PPP2R5E: variants seen among roughly 807,000 people sequenced by gnomAD.
The protein encoded by PPP2R5E is serine/threonine-protein phosphatase 2A 56 kDa regulatory subunit epsilon isoform.
A neutral mutation model predicts 65.3 loss-of-function variants in PPP2R5E; 4 were observed. The ratio of observed to expected loss-of-function variants is 0.06; its 90% CI spans 0.03 to 0.14. PPP2R5E has a LOEUF of 0.14. Ranked by LOEUF, PPP2R5E falls within the 10% of genes least tolerant of loss-of-function variation. PPP2R5E has a pLI of 1.00. For missense variants in PPP2R5E, 274 were observed against 556.1 expected, an observed-to-expected ratio of 0.49 and a Z score of 5.10; for synonymous variants, 183 against 187.4, an observed-to-expected ratio of 0.98 and a Z score of 0.19.
At chr14:63,402,178 T>A (rs966153921) in intron 5 of PPP2R5E, among the ~76,000 whole-genome samples, 1 of 152,216 alleles carries the variant, frequency 6.6e-6, no homozygotes, top group Non-Finnish European at 1.5e-5. Context: ...CAATTCTGTA[T>A]AAGTCAGAAG....
At chr14:63,383,952 A>C (rs1410081043) in intron 12 of PPP2R5E, among the ~76,000 whole-genome samples, 1 of 152,120 alleles carries the variant, frequency 6.6e-6, no homozygotes, top group East Asian at 1.9e-4. Flanking sequence ...CACGAGTCCC[A>C]CAGTCTTTTC....
intron 5 of PPP2R5E, among the ~76,000 whole-genome samples, chr14:63,405,757 T>C (rs1010794510): frequency 6.6e-6 from 1 of 152,120 alleles, no homozygotes; most frequent in African/African-American, 2.4e-5. Context: ...GAAACCATTT[T>C]CCCAACCATC....
chr14:63,509,480 G>T (rs1892364826), intron 2 of PPP2R5E, among the ~76,000 whole-genome samples: 1 of 151,868 alleles, frequency 6.6e-6, no homozygotes, highest in African/African-American at 2.4e-5. Context: ...TGCCATGTTG[G>T]CCAGGCTGGT....
intron 2 of PPP2R5E, among the ~76,000 whole-genome samples, chr14:63,528,503 T>C (rs1893275620): frequency 6.6e-6 from 1 of 152,208 alleles, no homozygotes; most frequent in Non-Finnish European, 1.5e-5. Context: ...CCATTCTCTC[T>C]ATATAATATA....
At chr14:63,532,636 G>T (rs1194241958) in intron 2 of PPP2R5E, among the ~76,000 whole-genome samples, 3 of 152,062 alleles carry the variant, frequency 2.0e-5, no homozygotes, top group Admixed American at 6.6e-5. Context: ...TACTGAATGT[G>T]GCACTGTCAC....
chr14:63,450,037 G>A (rs1413936358), intron 3 of PPP2R5E, among the ~76,000 whole-genome samples: 1 of 151,946 alleles, frequency 6.6e-6, no homozygotes, highest in African/African-American at 2.4e-5. Context: ...CACCATGCCA[G>A]GCTAATTTTT....
At chr14:63,481,377 T>A (rs1260086114) in intron 2 of PPP2R5E, among the ~76,000 whole-genome samples, 1 of 151,244 alleles carries the variant, frequency 6.6e-6, no homozygotes, top group Non-Finnish European at 1.5e-5. Flanking sequence ...GCACCTGTAA[T>A]CCCAGCTACT....
chr14:63,511,395 G>A (rs74056138), intron 2 of PPP2R5E, among the ~76,000 whole-genome samples: 20,490 of 152,174 alleles, frequency 0.13, 1,510 homozygotes, highest in African/African-American at 0.17. Flanking sequence ...CAACCGTCAT[G>A]TATGTGAGTG....
chr14:63,489,998 T>A (rs1891206432), intron 2 of PPP2R5E, among the ~76,000 whole-genome samples: 1 of 152,124 alleles, frequency 6.6e-6, no homozygotes, highest in South Asian at 2.1e-4. Context: ...TAAGCAACTA[T>A]AAACATATTT....
At chr14:63,483,480 G>C in intron 2 of PPP2R5E, among the ~76,000 whole-genome samples, 1 of 152,156 alleles carries the variant, frequency 6.6e-6, no homozygotes, top group Non-Finnish European at 1.5e-5. Flanking sequence ...CCAGCCAAGA[G>C]AATAAATAGC....
chr14:63,388,104 G>A (rs1265590992), intron 11 of PPP2R5E, among the ~76,000 whole-genome samples: 1 of 150,080 alleles, frequency 6.7e-6, no homozygotes, highest in Non-Finnish European at 1.5e-5. Context: ...GGCCTTTCTG[G>A]TGATGCTCTT....
intron 4 of PPP2R5E, among the ~76,000 whole-genome samples, chr14:63,421,052 C>CA (rs56297942): frequency 0.048 from 496 of 10,292 alleles, 200 homozygotes; most frequent in East Asian, 0.068. Flanking sequence ...GACTCCGTCT[C>CA]AAAAAAAAAA....
intron 3 of PPP2R5E, among the ~76,000 whole-genome samples, chr14:63,447,870 G>T (rs917122328): frequency 5.9e-5 from 9 of 152,214 alleles, no homozygotes; most frequent in Admixed American, 3.9e-4. Context: ...GTTGTGTCTC[G>T]GGGAATAGGG....
At chr14:63,468,745 T>C (rs1184202004) in intron 2 of PPP2R5E, among the ~76,000 whole-genome samples, 1 of 152,250 alleles carries the variant, frequency 6.6e-6, no homozygotes, top group South Asian at 2.1e-4. Flanking sequence ...AATTTTAAAT[T>C]AGTATCATAC....
At chr14:63,419,991 T>TA (rs1358688577) in intron 4 of PPP2R5E, among the ~76,000 whole-genome samples, 1 of 152,192 alleles carries the variant, frequency 6.6e-6, no homozygotes, top group Non-Finnish European at 1.5e-5. Flanking sequence ...TTTCAGAAAT[T>TA]AATTTGGTCC....
chr14:63,417,911 G>A (rs1053636262), intron 4 of PPP2R5E, among the ~76,000 whole-genome samples: 1 of 152,120 alleles, frequency 6.6e-6, no homozygotes, highest in African/African-American at 2.4e-5. Context: ...GCAGGACATG[G>A]AAAATCAGGT....
At chr14:63,485,134 T>C (rs1890912989) in intron 2 of PPP2R5E, among the ~76,000 whole-genome samples, 5 of 151,802 alleles carry the variant, frequency 3.3e-5, no homozygotes, top group Admixed American at 3.3e-4. Flanking sequence ...AACATCAATT[T>C]CTTTTACAGA....
At chr14:63,518,939 C>T (rs1359565922) in intron 2 of PPP2R5E, among the ~76,000 whole-genome samples, 2 of 152,140 alleles carry the variant, frequency 1.3e-5, no homozygotes, top group Non-Finnish European at 2.9e-5. Flanking sequence ...ATAAAAGAGG[C>T]CGGGCGCAGT....
Position 63,376,774 on chromosome 14 carries a change from G to C in PPP2R5E, c.1305-666C>G, listed in dbSNP as rs917299492. Among the ~76,000 whole-genome samples, 35 of 152,138 alleles carry C rather than the reference G, an allele frequency of 2.3e-4. 1 individual carries two copies. The highest frequency in any genetic ancestry group is 4.6e-4 in the Non-Finnish European group (31 of 68,032). ...AACCAAGTAGGAAGTACATGATGCA[G>C]GAATATAAGACTATATTGTAAGTTA... On this transcript the variant is annotated intron_variant, in intron 13 of 13. Coordinates refer to ENST00000337537, the MANE Select transcript of PPP2R5E (RefSeq NM_006246.5).
Sources: gnomAD v4.1 joint callset for allele counts (sites outside exome capture counted in the v4.1 genomes callset) on GRCh38, gnomAD v4.1.1 for gene constraint, MANE v1.5 for transcripts, NCBI Gene and HGNC (gene_info 2026-07-23, HGNC 2026-07-21) for gene names.